The following CYP20A1 variants were observed in gnomAD, a reference collection of about 807,000 sequenced individuals.
The protein encoded by CYP20A1 is cytochrome P450 20A1.
CYP20A1 carries 61 observed loss-of-function variants against 61.4 expected under a neutral mutation model. The ratio of observed to expected loss-of-function variants is 0.99; its 90% CI spans 0.81 to 1.23. The LOEUF is 1.23. Among genes scored for constraint, CYP20A1 ranks in the 50% most tolerant of loss-of-function variants. The pLI is 0.00. For missense variants in CYP20A1, 530 were observed against 542.4 expected (o/e 0.98, Z 0.23); for synonymous variants, 193 against 188.2 (o/e 1.03, Z -0.21).
intron 1 of CYP20A1, among the ~76,000 whole-genome samples, chr2:203,243,744 C>T (rs2066346944): frequency 7.2e-6 from 1 of 139,266 alleles, no homozygotes; most frequent in African/African-American, 2.7e-5. Flanking sequence ...GGCTGCAGTG[C>T]AGTGGTGTGA....
chr2:203,291,210 T>TA (rs2068519634), intron 10 of CYP20A1, among the ~76,000 whole-genome samples: 1 of 152,088 alleles, frequency 6.6e-6, no homozygotes, highest in South Asian at 2.1e-4. Flanking sequence ...TAAATTTTTT[T>TA]ATTTTTTATA....
chr2:203,292,700 C>A (rs1327055601), intron 11 of CYP20A1, among the ~76,000 whole-genome samples: 1 of 152,088 alleles, frequency 6.6e-6, no homozygotes, highest in Admixed American at 6.6e-5. Flanking sequence ...CTCAAGCCAT[C>A]CTCCCACCTC....
chr2:203,278,735 C>T, intron 7 of CYP20A1, 47 bp downstream of exon 7: 1 of 1,062,576 alleles, frequency 9.4e-7, no homozygotes, highest in Non-Finnish European at 1.4e-6. Context: ...TAAGCCAGAG[C>T]CAGGCACAAT....
At position 203,303,304 on chromosome 2, in the gene CYP20A1, C is replaced by T. The variant is rs1250405019; in HGVS notation, c.*6396C>T. 6.6e-6 allele frequency among the ~76,000 whole-genome samples: 1 copy of T among 151,726 alleles called. No homozygotes were observed. The highest frequency in any genetic ancestry group is 1.5e-5 in the Non-Finnish European group (1 of 67,974). On this transcript the variant is annotated 3_prime_UTR_variant, in exon 13 of 13. Coordinates refer to ENST00000356079, the MANE Select transcript of CYP20A1 (RefSeq NM_177538.3). ...ACAGGCATGAGCCACTGTGCCCGGC[C>T]ATTTTTTTGTGTTTTTAGTGGAGAC...
At chr2:203,272,976 A>G (rs2067668820) in intron 6 of CYP20A1, among the ~76,000 whole-genome samples, 1 of 151,656 alleles carries the variant, frequency 6.6e-6, no homozygotes, top group Non-Finnish European at 1.5e-5. Flanking sequence ...CCTCCCGAGT[A>G]GCTGGGACTA....
At chr2:203,284,601 G>A (rs1242674529) in intron 8 of CYP20A1, among the ~76,000 whole-genome samples, 2 of 151,862 alleles carry the variant, frequency 1.3e-5, no homozygotes, top group Non-Finnish European at 2.9e-5. Flanking sequence ...TTCCCATTTT[G>A]GCGTTGAGAT....
In CYP20A1 at chr2:203,258,060, C is replaced by T. The variant is rs1056080777; in HGVS notation, c.432+5951C>T. Among the ~76,000 whole-genome samples the T allele has an allele frequency of 1.1e-4, 6 of 53,368 alleles. No individual in the cohort carries two copies. In the South Asian group the frequency reaches 3.5e-3, roughly 31 times the overall value. The allele number at this position is 53,368 out of a possible 152,430, so 35.0% of individuals were successfully genotyped here. A position where few individuals can be genotyped will look rare whatever the true frequency, so the allele number is the denominator to read the frequency against. ...AGGACCACAGGCACGTGCCACCCTG[C>T]CCAGCTAATTTTTGTATTTTTATGT... On this transcript the variant is annotated intron_variant, in intron 4 of 12. Transcript: ENST00000356079.
At chr2:203,295,409 AT>A (rs2068748397) in intron 11 of CYP20A1, among the ~76,000 whole-genome samples, 1 of 152,150 alleles carries the variant, frequency 6.6e-6, no homozygotes, top group African/African-American at 2.4e-5. Context: ...ATGTAATATA[AT>A]TGATAAATAT....
chr2:203,239,414 C>T (rs1008491396), intron 1 of CYP20A1, among the ~76,000 whole-genome samples: 2 of 152,196 alleles, frequency 1.3e-5, no homozygotes, highest in African/African-American at 4.8e-5. Context: ...AGGCCGGTCT[C>T]ACCTTGCCAG....
chr2:203,258,003 G>GTGCAGTGGCACAATTATAGCCCACT, intron 4 of CYP20A1, among the ~76,000 whole-genome samples: 5 of 151,446 alleles, frequency 3.3e-5, no homozygotes, highest in Non-Finnish European at 7.4e-5. Context: ...CTGGGCTGAA[G>GTGCAGTGGCACAATTATAGCCCACT]GGATCCTCCT....
intron 11 of CYP20A1, among the ~76,000 whole-genome samples, chr2:203,293,725 C>A (rs2068646876): frequency 1.3e-5 from 2 of 152,012 alleles, no homozygotes. Context: ...TCCCCCAAGT[C>A]CCTAAAGTCC....
chr2:203,239,278 G>C (rs1000663071), intron 1 of CYP20A1, 144 bp downstream of exon 1: 4 of 697,488 alleles, frequency 5.7e-6, no homozygotes, highest in African/African-American at 5.4e-5. Context: ...TCAGCGCGGG[G>C]ACCGCACCCG....
chr2:203,264,039 G>A (rs558413151), intron 4 of CYP20A1, among the ~76,000 whole-genome samples: 9 of 152,040 alleles, frequency 5.9e-5, no homozygotes, highest in Admixed American at 1.3e-4. Flanking sequence ...TTCTTGCTCT[G>A]TCACCCAGGC....
At chr2:203,288,414 C>A (rs754014734) in intron 9 of CYP20A1, among the ~76,000 whole-genome samples, 1 of 152,036 alleles carries the variant, frequency 6.6e-6, no homozygotes, top group Non-Finnish European at 1.5e-5. Context: ...AGTAGCTGCT[C>A]CTACCTTATA....
intron 11 of CYP20A1, among the ~76,000 whole-genome samples, chr2:203,295,248 A>G (rs2068741050): frequency 6.6e-6 from 1 of 151,134 alleles, no homozygotes; most frequent in Non-Finnish European, 1.5e-5. Context: ...CCTGGCCAAA[A>G]ATTTTTAATA....
intron 8 of CYP20A1, among the ~76,000 whole-genome samples, chr2:203,282,513 C>T (rs180931267): frequency 5.3e-5 from 8 of 152,066 alleles, no homozygotes; most frequent in African/African-American, 1.9e-4. Context: ...GTTTTTAAAA[C>T]GCATTACATT....
At chr2:203,294,996 A>G (rs1409041225) in intron 11 of CYP20A1, among the ~76,000 whole-genome samples, 1 of 98,646 alleles carries the variant, frequency 1.0e-5, no homozygotes, top group Non-Finnish European at 1.8e-5. Flanking sequence ...TCTGTCGCCC[A>G]GGCTGGAGTA....
At chr2:203,281,668 G>C (rs1055333863) in intron 8 of CYP20A1, among the ~76,000 whole-genome samples, 1 of 151,974 alleles carries the variant, frequency 6.6e-6, no homozygotes, top group Non-Finnish European at 1.5e-5. Context: ...AAGTGTGGGG[G>C]CACATGCCTG....
At chr2:203,272,827 G>T in intron 6 of CYP20A1, 79 bp downstream of exon 6, 1 of 764,680 alleles carries the variant, frequency 1.3e-6, no homozygotes, top group Admixed American at 3.0e-5. Flanking sequence ...TCTGAATAGT[G>T]AGATTAAAGG....
Sources: gnomAD v4.1 joint callset for allele counts (sites outside exome capture counted in the v4.1 genomes callset) on GRCh38, gnomAD v4.1.1 for gene constraint, MANE v1.5 for transcripts, NCBI Gene and HGNC (gene_info 2026-07-23, HGNC 2026-07-21) for gene names.